NBAS: variants seen among roughly 807,000 people sequenced by gnomAD.
NBAS encodes NBAS subunit of NRZ tethering complex.
In NBAS, 219 loss-of-function variants were observed where a neutral mutation model predicts 302.5. That is an observed-to-expected ratio of 0.72 (90% CI 0.65 to 0.81). The LOEUF (loss-of-function observed/expected upper bound fraction) is 0.81. Ranked by LOEUF, NBAS falls within the 30% of genes least tolerant of loss-of-function variation. NBAS has a pLI of 0.00. For synonymous variants in NBAS, 1,118 were observed against 1,021.6 expected (o/e 1.09, Z -1.80); for missense variants, 2,932 against 2,841.6 (o/e 1.03, Z -0.72).
intron 21 of NBAS, among the ~76,000 whole-genome samples, chr2:15,437,091 C>T (rs140154413): frequency 1.3e-5 from 2 of 152,246 alleles, no homozygotes; most frequent in Non-Finnish European, 2.9e-5. Flanking sequence ...AAATGGTCTA[C>T]ACAACTCCCT....
At chr2:15,075,040 C>T in the NBAS span, among the ~76,000 whole-genome samples, 4 of 152,152 alleles carry the variant, frequency 2.6e-5, no homozygotes, top group African/African-American at 4.8e-5. Context: ...CTCTTCAAAT[C>T]GGCAATTCTA....
At chr2:15,536,319 A>G (rs1050696359) in intron 8 of NBAS, 99 bp downstream of exon 8, 48 of 1,413,190 alleles carry the variant, frequency 3.4e-5, no homozygotes, top group Non-Finnish European at 4.5e-5. Flanking sequence ...AATTTTTCAT[A>G]ATAGACAGAA....
intron 29 of NBAS, among the ~76,000 whole-genome samples, chr2:15,380,163 TTA>T (rs1166346051): frequency 6.6e-6 from 1 of 152,216 alleles, no homozygotes; most frequent in Non-Finnish European, 1.5e-5. Flanking sequence ...AAAAACAGGA[TTA>T]CACATACTGT....
In NBAS at chr2:15,382,429, C is replaced by T. The variant is rs116831559; in HGVS notation, c.3360+786G>A. On this transcript the variant is annotated intron_variant, in intron 29 of 51. Transcript: ENST00000281513. ...AAGCAATGCACAAATAAACAAATAA[C>T]TACATTTTAAAGAAAGACCATAGTA... Among the ~76,000 whole-genome samples, 855 of 152,264 alleles carry T rather than the reference C, an allele frequency of 5.6e-3. 8 individuals are homozygous for T. The highest frequency in any genetic ancestry group is 0.021 in the South Asian group (100 of 4,826).
At chr2:15,356,723 G>A (rs1311493667) in intron 32 of NBAS, among the ~76,000 whole-genome samples, 1 of 152,178 alleles carries the variant, frequency 6.6e-6, no homozygotes, top group African/African-American at 2.4e-5. Flanking sequence ...GTAAGGGAAA[G>A]AGAAGAAAAT....
rs553094685 is a variant in NBAS, at chr2:15,218,889, G to C, written c.6316C>G (p.Arg2106Gly). ...CADDAWPVRP[R>G]IHVLQILGQS... is the part of the protein sequence containing the mutation. The stretch of plus-strand genomic sequence containing the variant: ...CCCAAAATCTGCAGCACGTGAATGC[G>C]GGGCCGCACCGGCCAGGCGTCATCA... Residue 2106 changes from arginine to glycine, a missense_variant, in exon 48 of 52, where the codon CGC becomes GGC. Arg to Gly is a moderately radical substitution (Grantham distance 125). Transcript: ENST00000281513. The C allele has an allele frequency of 8.1e-6, 13 of 1,614,260 alleles. No individual in the cohort carries two copies. Among genetic ancestry groups the C allele is most frequent in the Non-Finnish European group, 1.0e-5 (12 of 1,180,052 alleles).
the NBAS span, among the ~76,000 whole-genome samples, chr2:14,944,554 G>T: frequency 3.3e-5 from 5 of 152,164 alleles, no homozygotes; most frequent in Admixed American, 2.0e-4. Flanking sequence ...TTTCCATGAA[G>T]GTATTAAAAG....
intron 11 of NBAS, among the ~76,000 whole-genome samples, chr2:15,493,673 A>G (rs1303404681): frequency 4.2e-5 from 6 of 142,808 alleles, no homozygotes; most frequent in East Asian, 2.0e-4. Context: ...GCTCAAAAAG[A>G]AAAAAAAAAA....
intron 10 of NBAS, among the ~76,000 whole-genome samples, chr2:15,508,862 G>C (rs1453831070): frequency 6.6e-6 from 1 of 152,086 alleles, no homozygotes; most frequent in African/African-American, 2.4e-5. Flanking sequence ...AATTAGCCGG[G>C]CATGATGGGG....
Position 15,276,992 on chromosome 2 carries a change from T to G in NBAS, c.5248A>C (p.Thr1750Pro). The change falls in exon 43 of 52, where the codon ACT becomes CCT. Residue 1750 changes from threonine to proline, a missense_variant. Coordinates refer to ENST00000281513, the MANE Select transcript of NBAS (RefSeq NM_015909.4). ...CTTTCGTGATCAAAGCCACCAATAG[T>G]AGGGTAAATATACTTGACCATGTGC... ...HQHMVKYIYP[T>P]IGGFDHERLQ... The G allele has an allele frequency of 6.2e-7, 1 of 1,613,950 alleles. No individual in the cohort carries two copies. Among genetic ancestry groups the G allele is most frequent in the Non-Finnish European group, 8.5e-7 (1 of 1,179,940 alleles).
chr2:14,858,709 G>A, the NBAS span, among the ~76,000 whole-genome samples: 1 of 151,946 alleles, frequency 6.6e-6, no homozygotes, highest in East Asian at 1.9e-4. Flanking sequence ...GATGGTTAAT[G>A]GGTACCAAAA....
Position 15,468,535 on chromosome 2 carries a change from T to C in NBAS, c.1726-2A>G, listed in dbSNP as rs761703497. On this transcript the variant is annotated splice_acceptor_variant, in intron 16 of 51. Transcript: ENST00000281513. LOFTEE classifies it high-confidence loss of function. ...CCAGGATCGCTTCTTTATTTTACTCTGCATATAAAGGAAGAAACAGAGGAA... is the reference window on the plus strand; with the variant it reads ...CCAGGATCGCTTCTTTATTTTACTCCGCATATAAAGGAAGAAACAGAGGAA... 3.1e-6 allele frequency: 5 copies of C among 1,613,572 alleles called. No homozygotes were observed. The African/African-American group carries it at 5.3e-5, about 17-fold the overall frequency.
chr2:15,310,731 G>A (rs907653361), intron 38 of NBAS, among the ~76,000 whole-genome samples: 24 of 152,190 alleles, frequency 1.6e-4, no homozygotes, highest in Non-Finnish European at 3.2e-4. Flanking sequence ...CCTCACCCAT[G>A]CCTTCTCCTG....
intron 44 of NBAS, among the ~76,000 whole-genome samples, chr2:15,265,089 G>A (rs16862470): frequency 0.023 from 3,445 of 152,164 alleles, 138 homozygotes; most frequent in African/African-American, 0.078. Context: ...TGGTCCATTT[G>A]GGCCAAATTA....
At chr2:15,168,150 T>C (rs953394910) in intron 51 of NBAS, among the ~76,000 whole-genome samples, 1 of 152,208 alleles carries the variant, frequency 6.6e-6, no homozygotes, top group African/African-American at 2.4e-5. Flanking sequence ...CTCACTTACA[T>C]TGGGGTATCA....
At chr2:15,342,949 C>A (rs1672922912) in intron 35 of NBAS, among the ~76,000 whole-genome samples, 1 of 151,430 alleles carries the variant, frequency 6.6e-6, no homozygotes, top group Non-Finnish European at 1.5e-5. Flanking sequence ...AGTACACTAA[C>A]TGTGCTCTAA....
chr2:14,892,405 A>G, the NBAS span, among the ~76,000 whole-genome samples: 1 of 152,226 alleles, frequency 6.6e-6, no homozygotes, highest in Non-Finnish European at 1.5e-5. Flanking sequence ...ATGGGCTCAC[A>G]GGGCGACATA....
the NBAS span, among the ~76,000 whole-genome samples, chr2:14,962,621 A>T: frequency 6.6e-6 from 1 of 152,128 alleles, no homozygotes; most frequent in South Asian, 2.1e-4. Context: ...CCTTTCAAGA[A>T]TTCAGATGGT....
At chr2:14,981,155 ACCAAGTGAC>A in the NBAS span, among the ~76,000 whole-genome samples, 1 of 152,202 alleles carries the variant, frequency 6.6e-6, no homozygotes, top group African/African-American at 2.4e-5. Flanking sequence ...GTAAGGGCCC[ACCAAGTGAC>A]CCAGCACAAT....
Sources: gnomAD v4.1 joint callset for allele counts (sites outside exome capture counted in the v4.1 genomes callset) on GRCh38, gnomAD v4.1.1 for gene constraint, MANE v1.5 for transcripts, NCBI Gene and HGNC (gene_info 2026-07-23, HGNC 2026-07-21) for gene names.